The following WWOX variants were observed in gnomAD, a reference collection of about 807,000 sequenced individuals.
WWOX encodes the protein WW domain containing oxidoreductase, also known as WW domain-containing oxidoreductase.
WWOX carries 69 observed loss-of-function variants against 46.2 expected under a neutral mutation model. The ratio of observed to expected loss-of-function variants is 1.49; its 90% CI spans 1.23 to 1.82. The LOEUF (loss-of-function observed/expected upper bound fraction) is 1.82. WWOX is among the 40% of genes most tolerant of loss of function. WWOX has a pLI of 0.00. For synonymous variants in WWOX, 359 were observed against 202.6 expected (o/e 1.77, Z -6.56); for missense variants, 919 against 542.6 (o/e 1.69, Z -6.89).
intron 8 of WWOX, among the ~76,000 whole-genome samples, chr16:78,662,031 G>A (rs1195938305): frequency 1.3e-5 from 2 of 152,274 alleles, no homozygotes; most frequent in South Asian, 2.1e-4. Flanking sequence ...ATGATAGAGC[G>A]AGACCATGTC....
chr16:79,062,380 C>A lies in WWOX; in HGVS notation c.1057-149228C>A, dbSNP rs139831256. ...GGACCTCATAATAGTCGTGGAGGGA[C>A]AACTGGGATTTATTTCCATAGGGAA... On this transcript the variant is annotated intron_variant, in intron 8 of 8. Transcript: ENST00000566780. Among the ~76,000 whole-genome samples, 15 of 151,534 alleles carry A rather than the reference C, an allele frequency of 9.9e-5. 1 individual carries two copies. The East Asian group carries it at 2.9e-3, about 30-fold the overall frequency.
intron 8 of WWOX, among the ~76,000 whole-genome samples, chr16:78,606,695 A>T (rs2045766344): frequency 6.6e-6 from 1 of 151,170 alleles, no homozygotes; most frequent in African/African-American, 2.4e-5. Context: ...GGACGACTGA[A>T]AGGGCATTTC....
rs528453834 is a variant in WWOX, at chr16:78,683,488, C to T, written c.1056+250736C>T. Among the ~76,000 whole-genome samples, 31 of 151,342 alleles carry T rather than the reference C, an allele frequency of 2.0e-4. 1 individual carries two copies. The South Asian group carries it at 6.3e-3, about 31-fold the overall frequency. ...CGGGGAGGTGGAGGTTGCAGTGAGC[C>T]GAGGTTGTGCCACTGCACTCCAGCC... is the stretch of plus-strand genomic sequence containing the variant. On this transcript the variant is annotated intron_variant, in intron 8 of 8. Coordinates refer to ENST00000566780, the MANE Select transcript of WWOX (RefSeq NM_016373.4).
intron 8 of WWOX, among the ~76,000 whole-genome samples, chr16:78,733,194 A>G (rs922013124): frequency 1.3e-5 from 2 of 152,224 alleles, no homozygotes; most frequent in Non-Finnish European, 1.5e-5. Context: ...ATAATACTAA[A>G]GTAAATAGAA....
chr16:79,200,260 T>G (rs1301751227), intron 8 of WWOX, among the ~76,000 whole-genome samples: 3 of 152,102 alleles, frequency 2.0e-5, no homozygotes, highest in Non-Finnish European at 2.9e-5. Context: ...TGCTGGTCTG[T>G]GGAGAGGGCC....
chr16:78,960,052 A>C (rs1277781545), intron 8 of WWOX, among the ~76,000 whole-genome samples: 1 of 152,224 alleles, frequency 6.6e-6, no homozygotes, highest in Non-Finnish European at 1.5e-5. Context: ...GTATTGGTGC[A>C]TGGTGGGACA....
intron 5 of WWOX, among the ~76,000 whole-genome samples, chr16:78,359,321 C>T (rs930751636): frequency 1.1e-4 from 16 of 152,160 alleles, no homozygotes; most frequent in African/African-American, 3.6e-4. Context: ...TAGCATTTTA[C>T]ATAAAAACCT....
chr16:78,288,358 C>A (rs988531993), intron 5 of WWOX, among the ~76,000 whole-genome samples: 12 of 150,044 alleles, frequency 8.0e-5, no homozygotes, highest in African/African-American at 3.0e-4. Context: ...CTGATGAGGG[C>A]CAGGACCTCA....
At chr16:78,969,269 C>CTTT (rs71384387) in intron 8 of WWOX, among the ~76,000 whole-genome samples, 6 of 142,592 alleles carry the variant, frequency 4.2e-5, no homozygotes, top group Non-Finnish European at 3.0e-5. Context: ...CTCTCTCTCT[C>CTTT]TTTTTTTTTT....
At chr16:78,944,996 T>G (rs966925619) in intron 8 of WWOX, among the ~76,000 whole-genome samples, 10 of 152,024 alleles carry the variant, frequency 6.6e-5, no homozygotes, top group Admixed American at 6.6e-4. Context: ...CTGAGCAACA[T>G]GGTGAAACCC....
At chr16:78,291,707 C>T (rs990746179) in intron 5 of WWOX, among the ~76,000 whole-genome samples, 1 of 151,846 alleles carries the variant, frequency 6.6e-6, no homozygotes, top group Non-Finnish European at 1.5e-5. Context: ...TACACAACGG[C>T]TGTAAAAAAT....
chr16:78,600,464 G>A (rs533478444), intron 8 of WWOX, among the ~76,000 whole-genome samples: 53 of 152,208 alleles, frequency 3.5e-4, no homozygotes, highest in African/African-American at 1.3e-3. Context: ...TCCATTTTAA[G>A]TATTCTTTTC....
intron 8 of WWOX, among the ~76,000 whole-genome samples, chr16:79,167,882 A>G (rs1009604320): frequency 9.9e-5 from 15 of 152,112 alleles, no homozygotes; most frequent in Non-Finnish European, 2.1e-4. Context: ...GCATACACAT[A>G]AAGTCATCAC....
chr16:78,274,351 A>G (rs1319013952), intron 5 of WWOX, among the ~76,000 whole-genome samples: 1 of 152,108 alleles, frequency 6.6e-6, no homozygotes, highest in Non-Finnish European at 1.5e-5. Context: ...GGGATTTATC[A>G]CTTGAAAATG....
At chr16:79,155,913 G>A (rs193031333) in intron 8 of WWOX, among the ~76,000 whole-genome samples, 1,729 of 151,634 alleles carry the variant, frequency 0.011, 19 homozygotes, top group Non-Finnish European at 0.019. Flanking sequence ...TTTAATCTAG[G>A]TACAAGTCTC....
intron 5 of WWOX, among the ~76,000 whole-genome samples, chr16:78,255,894 A>G (rs185565427): frequency 1.5e-3 from 222 of 152,190 alleles, no homozygotes; most frequent in African/African-American, 5.2e-3. Context: ...CTGTAATCTC[A>G]TAATCTCAGC....
chr16:78,408,468 C>G (rs576166475), intron 6 of WWOX, among the ~76,000 whole-genome samples: 2 of 152,250 alleles, frequency 1.3e-5, no homozygotes, highest in South Asian at 4.1e-4. Flanking sequence ...TTAATAAATT[C>G]GGCTCCACTC....
chr16:78,729,667 G>A (rs1406000247), intron 8 of WWOX, among the ~76,000 whole-genome samples: 2 of 152,110 alleles, frequency 1.3e-5, no homozygotes, highest in African/African-American at 4.8e-5. Context: ...TCTGGCTTCC[G>A]GAACTGCAAA....
chr16:78,468,686 C>A (rs549861407), intron 8 of WWOX, among the ~76,000 whole-genome samples: 2 of 152,284 alleles, frequency 1.3e-5, no homozygotes, highest in Admixed American at 1.3e-4. Context: ...CGTTACTGCA[C>A]CTGTTTGAGC....
Sources: allele counts gnomAD v4.1 joint callset (sites outside exome capture counted in the v4.1 genomes callset), GRCh38; gene constraint gnomAD v4.1.1; transcripts MANE v1.5; gene names NCBI Gene and HGNC (gene_info 2026-07-23, HGNC 2026-07-21).